Variants in POLA1 observed in about 807,000 individuals in gnomAD.
POLA1 encodes DNA polymerase alpha catalytic subunit.
Under a neutral mutation model 124.0 loss-of-function variants are expected in POLA1, and 15 were observed. The ratio of observed to expected loss-of-function variants is 0.12; its 90% CI spans 0.08 to 0.19. POLA1 has a LOEUF of 0.19. POLA1 is among the 10% of genes least tolerant of loss of function. The probability of loss-of-function intolerance (pLI) is 1.00; values close to 1 mark genes in which losing one functional copy is unlikely to be tolerated. For synonymous variants in POLA1, 408 were observed against 389.4 expected (o/e 1.05, Z -0.56); for missense variants, 886 against 1,103.4 (o/e 0.80, Z 2.79).
At chrX:24,769,819 G>A (rs912551810) in intron 26 of POLA1, among the ~76,000 whole-genome samples, 2 of 112,124 alleles carry the variant, frequency 1.8e-5, no homozygotes, top group Non-Finnish European at 3.8e-5. Context: ...ATCTCTGGCT[G>A]GGTGCCTGCT....
intron 36 of POLA1, among the ~76,000 whole-genome samples, chrX:24,987,947 G>A (rs961799389): frequency 3.6e-5 from 4 of 111,160 alleles, no homozygotes; most frequent in African/African-American, 1.3e-4. Context: ...CTGTGGCCTC[G>A]CTTTAGTTCC....
At chrX:24,812,897 T>C in intron 29 of POLA1, 34 bp downstream of exon 29, 1 of 970,487 alleles carries the variant, frequency 1.0e-6, no homozygotes. Flanking sequence ...TTTTCTTGTT[T>C]GTCTTTTAAA....
chrX:24,707,218 C>T (rs189543783), intron 4 of POLA1, among the ~76,000 whole-genome samples: 86 of 112,000 alleles, frequency 7.7e-4, no homozygotes, highest in African/African-American at 2.7e-3. Flanking sequence ...TGTTAATTGG[C>T]GGTGTCATCT....
At chrX:24,959,963 T>C (rs781454793) in intron 36 of POLA1, among the ~76,000 whole-genome samples, 2 of 111,890 alleles carry the variant, frequency 1.8e-5, no homozygotes, top group Non-Finnish European at 3.8e-5. Context: ...CAGAATTATC[T>C]TGCTGAAAAA....
intron 35 of POLA1, among the ~76,000 whole-genome samples, chrX:24,898,915 A>C (rs1455439083): frequency 1.8e-5 from 2 of 111,577 alleles, no homozygotes; most frequent in African/African-American, 6.5e-5. Flanking sequence ...TCTTTTTGTC[A>C]TCTGGTACCC....
At chrX:24,888,515 G>C (rs929248726) in intron 35 of POLA1, among the ~76,000 whole-genome samples, 1 of 109,340 alleles carries the variant, frequency 9.1e-6, no homozygotes, top group Non-Finnish European at 1.9e-5. Flanking sequence ...TGGGGTTTTT[G>C]GTCCCCTCTG....
intron 34 of POLA1, among the ~76,000 whole-genome samples, chrX:24,887,337 A>G (rs2047077665): frequency 8.9e-6 from 1 of 112,580 alleles, no homozygotes; most frequent in South Asian, 3.7e-4. Flanking sequence ...TAGCTGTAGT[A>G]TTTCAAACCT....
intron 34 of POLA1, among the ~76,000 whole-genome samples, chrX:24,881,607 C>T (rs2047001662): frequency 9.0e-6 from 1 of 111,261 alleles, no homozygotes. Flanking sequence ...AGGACAGTAC[C>T]AGCTCCAAAA....
At chrX:24,706,214 A>G (rs918320973) in intron 4 of POLA1, among the ~76,000 whole-genome samples, 1 of 111,906 alleles carries the variant, frequency 8.9e-6, no homozygotes, top group Non-Finnish European at 1.9e-5. Flanking sequence ...TTTCCTTTTT[A>G]TGTTCAAATT....
Position 24,742,138 on chromosome X carries a change from G to A in POLA1, c.2466+17G>A. 8.9e-7 allele frequency: 1 copy of A among 1,123,596 alleles called. No individual in the cohort carries two copies. Among genetic ancestry groups the A allele is most frequent in the South Asian group, 1.9e-5 (1 of 51,523 alleles). 92.6% of individuals were successfully genotyped at this position (1,123,596 alleles called of 1,213,427 possible). On this transcript the variant is annotated intron_variant, in intron 22 of 36. Coordinates refer to ENST00000379068, the MANE Select transcript of POLA1 (RefSeq NM_001330360.2). ...CAAAAACTGGTGGGTCCAAAACTGT[G>A]TAGTATTTTGTTTTCTCTTAACCCC...
intron 36 of POLA1, among the ~76,000 whole-genome samples, chrX:24,963,279 C>A (rs939797777): frequency 8.9e-6 from 1 of 111,910 alleles, no homozygotes; most frequent in Admixed American, 9.5e-5. Flanking sequence ...AATGGCATGT[C>A]TGATTCCAAT....
At chrX:24,791,332 G>A (rs934327690) in intron 26 of POLA1, among the ~76,000 whole-genome samples, 7 of 111,975 alleles carry the variant, frequency 6.3e-5, no homozygotes, top group African/African-American at 2.3e-4. Context: ...AGCACAAACA[G>A]GTTGGAACTT....
At chrX:24,916,772 C>T (rs759359453) in intron 35 of POLA1, among the ~76,000 whole-genome samples, 9 of 112,259 alleles carry the variant, frequency 8.0e-5, no homozygotes, top group African/African-American at 2.9e-4. Context: ...TGAGTGTTTC[C>T]TTTCTTTAGG....
At chrX:24,810,495 T>G (rs1172621076) in intron 27 of POLA1, among the ~76,000 whole-genome samples, 2 of 111,636 alleles carry the variant, frequency 1.8e-5, no homozygotes, top group Non-Finnish European at 3.8e-5. Context: ...TAAGAAAATT[T>G]GAGAGATTTT....
At chrX:24,779,620 A>G (rs1348861510) in intron 26 of POLA1, among the ~76,000 whole-genome samples, 1 of 111,898 alleles carries the variant, frequency 8.9e-6, no homozygotes, top group African/African-American at 3.2e-5. Context: ...TAAGGTCACT[A>G]AAAAAGGAAG....
chrX:24,950,882 G>A (rs985991049), intron 36 of POLA1, among the ~76,000 whole-genome samples: 3 of 111,960 alleles, frequency 2.7e-5, no homozygotes, highest in African/African-American at 9.7e-5. Context: ...TAATTGATTG[G>A]CTGGTGTAAG....
Position 24,996,068 on chromosome X carries a change from T to C in POLA1, c.*118T>C. 1 of 636,625 alleles carries C rather than the reference T, an allele frequency of 1.6e-6. No homozygotes were observed. The highest frequency in any genetic ancestry group is 2.4e-6 in the Non-Finnish European group (1 of 416,205). The allele number at this position is 636,625 out of a possible 1,213,427, so 52.5% of individuals were successfully genotyped here. A position where few individuals can be genotyped will look rare whatever the true frequency, so the allele number is the denominator to read the frequency against. On this transcript the variant is annotated 3_prime_UTR_variant, in exon 37 of 37. Coordinates refer to ENST00000379068, the MANE Select transcript of POLA1 (RefSeq NM_001330360.2). Reference sequence around the variant, plus strand: ...GTTTCTCCCTTGGGACTGTGTCTCATGTTTGTGTGAATGTAGACCAGGAAA... The same window carrying C: ...GTTTCTCCCTTGGGACTGTGTCTCACGTTTGTGTGAATGTAGACCAGGAAA...
intron 35 of POLA1, among the ~76,000 whole-genome samples, chrX:24,903,285 C>T (rs2047307255): frequency 8.9e-6 from 1 of 112,839 alleles, no homozygotes; most frequent in Non-Finnish European, 1.9e-5. Context: ...AACTGTATCT[C>T]GTTTTGTCTT....
intron 2 of POLA1, among the ~76,000 whole-genome samples, chrX:24,702,208 G>A (rs898749266): frequency 9.2e-6 from 1 of 108,838 alleles, no homozygotes; most frequent in Non-Finnish European, 1.9e-5. Context: ...AGCTGGGACT[G>A]CAGGCATATG....
Sources: allele counts gnomAD v4.1 joint callset (sites outside exome capture counted in the v4.1 genomes callset), GRCh38; gene constraint gnomAD v4.1.1; transcripts MANE v1.5; gene names NCBI Gene and HGNC (gene_info 2026-07-23, HGNC 2026-07-21).